PLCB1: variants seen among roughly 807,000 people sequenced by gnomAD.
PLCB1 encodes phospholipase C beta 1, also known as 1-phosphatidylinositol 4,5-bisphosphate phosphodiesterase beta-1.
PLCB1 carries 46 observed loss-of-function variants against 161.8 expected under a neutral mutation model. That is an observed-to-expected ratio of 0.28 (90% CI 0.22 to 0.36). The LOEUF (loss-of-function observed/expected upper bound fraction) is 0.36, where lower values mean the gene tolerates loss of function less well. Ranked by LOEUF, PLCB1 falls within the 10% of genes least tolerant of loss-of-function variation. The pLI, the probability that PLCB1 is intolerant of heterozygous loss-of-function variation, is 1.00. For missense variants in PLCB1, 1,016 were observed against 1,472.5 expected (o/e 0.69, Z 5.07); for synonymous variants, 517 against 503.7 (o/e 1.03, Z -0.35).
At chr20:8,466,448 A>G (rs1450484629) in intron 3 of PLCB1, among the ~76,000 whole-genome samples, 2 of 151,992 alleles carry the variant, frequency 1.3e-5, no homozygotes, top group African/African-American at 2.4e-5. Context: ...CATTGTGCAC[A>G]TGTACCCTAA....
At chr20:8,587,760 A>G (rs565772527) in intron 3 of PLCB1, among the ~76,000 whole-genome samples, 1 of 152,292 alleles carries the variant, frequency 6.6e-6, no homozygotes, top group East Asian at 1.9e-4. Flanking sequence ...TATATAGCAT[A>G]TTAAGTAAAT....
At chr20:8,621,338 A>T (rs1282324340) in intron 3 of PLCB1, among the ~76,000 whole-genome samples, 1 of 152,116 alleles carries the variant, frequency 6.6e-6, no homozygotes, top group East Asian at 1.9e-4. Context: ...GACTGGGGGG[A>T]TAGTTTAAAA....
At chr20:8,757,883 AT>A (rs1981820442) in intron 24 of PLCB1, among the ~76,000 whole-genome samples, 2 of 151,888 alleles carry the variant, frequency 1.3e-5, no homozygotes, top group Non-Finnish European at 2.9e-5. Context: ...AAATAAATAA[AT>A]AAATAAATAA....
intron 2 of PLCB1, among the ~76,000 whole-genome samples, chr20:8,357,974 C>G (rs1986416360): frequency 6.6e-6 from 1 of 152,204 alleles, no homozygotes; most frequent in Non-Finnish European, 1.5e-5. Context: ...CACCACTGAG[C>G]ACCTTCAGAG....
At chr20:8,523,496 CTATAT>C (rs1984457311) in intron 3 of PLCB1, among the ~76,000 whole-genome samples, 1 of 51,630 alleles carries the variant, frequency 1.9e-5, no homozygotes, top group Non-Finnish European at 3.7e-5. Context: ...CTCTCTCTCT[CTATAT>C]ATATATATAT....
At chr20:8,303,619 T>C (rs569708375) in intron 2 of PLCB1, among the ~76,000 whole-genome samples, 1 of 152,180 alleles carries the variant, frequency 6.6e-6, no homozygotes, top group Non-Finnish European at 1.5e-5. Flanking sequence ...AATACTACTT[T>C]TTACGCTTTG....
intron 2 of PLCB1, among the ~76,000 whole-genome samples, chr20:8,365,835 G>T (rs1398542549): frequency 6.6e-6 from 1 of 152,056 alleles, no homozygotes; most frequent in Non-Finnish European, 1.5e-5. Context: ...GACTGTAATT[G>T]CTGTTCTGAT....
At chr20:8,381,396 A>C (rs1987249693) in intron 3 of PLCB1, among the ~76,000 whole-genome samples, 1 of 152,148 alleles carries the variant, frequency 6.6e-6, no homozygotes, top group Admixed American at 6.5e-5. Flanking sequence ...ATTGGCCTGA[A>C]GTTTTTTTTG....
At chr20:8,423,318 A>G (rs570223952) in intron 3 of PLCB1, among the ~76,000 whole-genome samples, 1 of 152,184 alleles carries the variant, frequency 6.6e-6, no homozygotes, top group Non-Finnish European at 1.5e-5. Flanking sequence ...TTAAAGCAAA[A>G]CAGGTTCTTA....
chr20:8,685,001 A>C lies in PLCB1; in HGVS notation c.932A>C (p.Lys311Thr). Residue 311 changes from lysine to threonine, a missense_variant, in exon 10 of 32, where the codon AAA (lysine) becomes ACA (threonine). Physicochemically the swap from Lys to Thr is moderately conservative, Grantham distance 78 (BLOSUM62 -1). Transcript: ENST00000338037. ...GAAAACGGAGTCGTTTCACCTGAGA[A>C]ACTGGATTTGAATGAAGACATGTCT... ...GEENGVVSPE[K>T]LDLNEDMSQP... 6.2e-7 allele frequency: 1 copy of C among 1,613,704 alleles called. No homozygotes were observed. Among genetic ancestry groups the C allele is most frequent in the Non-Finnish European group, 8.5e-7 (1 of 1,179,576 alleles).
intron 4 of PLCB1, among the ~76,000 whole-genome samples, chr20:8,638,640 T>C (rs971340032): frequency 1.3e-5 from 2 of 152,174 alleles, no homozygotes; most frequent in Admixed American, 1.3e-4. Context: ...GAAGTGATCA[T>C]TGCCTTTCCA....
chr20:8,744,370 T>C (rs1281652153), intron 23 of PLCB1, among the ~76,000 whole-genome samples: 2 of 152,140 alleles, frequency 1.3e-5, no homozygotes, highest in African/African-American at 4.8e-5. Context: ...AGAGAACATT[T>C]CAACACTACC....
At chr20:8,730,326 T>C (rs1219591222) in intron 18 of PLCB1, among the ~76,000 whole-genome samples, 1 of 151,724 alleles carries the variant, frequency 6.6e-6, no homozygotes, top group Non-Finnish European at 1.5e-5. Context: ...AGATCAATCC[T>C]TTTTTTTCAT....
intron 10 of PLCB1, among the ~76,000 whole-genome samples, chr20:8,694,240 G>T (rs1990539222): frequency 6.6e-6 from 1 of 152,046 alleles, no homozygotes; most frequent in African/African-American, 2.4e-5. Flanking sequence ...AAACATACAG[G>T]GAACCTAATA....
chr20:8,207,809 G>C (rs956611122), intron 2 of PLCB1, among the ~76,000 whole-genome samples: 1 of 152,054 alleles, frequency 6.6e-6, no homozygotes, highest in Non-Finnish European at 1.5e-5. Context: ...TCAAATTTCT[G>C]GGCTCAAGTG....
intron 9 of PLCB1, among the ~76,000 whole-genome samples, chr20:8,663,691 A>G (rs1016354753): frequency 6.6e-6 from 1 of 152,168 alleles, no homozygotes; most frequent in Non-Finnish European, 1.5e-5. Flanking sequence ...CACAGAGGAT[A>G]CTATTCTCCT....
chr20:8,529,008 G>A (rs1248278748), intron 3 of PLCB1, among the ~76,000 whole-genome samples: 2 of 151,878 alleles, frequency 1.3e-5, no homozygotes, highest in African/African-American at 2.4e-5. Context: ...CATTGTGGAC[G>A]GGTAGGTGGT....
Position 8,696,881 on chromosome 20 carries a change from C to T in PLCB1, c.1010-745C>T, listed in dbSNP as rs6140695. ...CCTGAGTAGCTGGGACTACAGGCGC[C>T]TGCCACCACACCCGGCTAATTTTTT... On this transcript the variant is annotated intron_variant, in intron 10 of 31. Coordinates refer to ENST00000338037, the MANE Select transcript of PLCB1 (RefSeq NM_015192.4). Among the ~76,000 whole-genome samples, 233 of 152,140 alleles carry T rather than the reference C, an allele frequency of 1.5e-3. 3 individuals carry two copies. The highest frequency in any genetic ancestry group is 5.3e-3 in the African/African-American group (222 of 41,500).
chr20:8,382,254 A>C (rs1315740269), intron 3 of PLCB1, among the ~76,000 whole-genome samples: 1 of 147,460 alleles, frequency 6.8e-6, no homozygotes, highest in East Asian at 2.0e-4. Flanking sequence ...TTTCCATGTA[A>C]TTGTGTGGTT....
Sources: allele counts gnomAD v4.1 joint callset (sites outside exome capture counted in the v4.1 genomes callset), GRCh38; gene constraint gnomAD v4.1.1; transcripts MANE v1.5; gene names NCBI Gene and HGNC (gene_info 2026-07-23, HGNC 2026-07-21).